The following FAM135B variants were observed in gnomAD, a reference collection of about 807,000 sequenced individuals.
FAM135B encodes family with sequence similarity 135 member B.
In FAM135B, 43 loss-of-function variants were observed where a neutral mutation model predicts 127.7. The ratio of observed to expected loss-of-function variants is 0.34; its 90% CI spans 0.26 to 0.43. FAM135B has a LOEUF of 0.43. Among genes scored for constraint, FAM135B ranks in the 20% least tolerant of loss-of-function variants. The probability of loss-of-function intolerance (pLI) is 1.00; values close to 1 mark genes in which losing one functional copy is unlikely to be tolerated. For synonymous variants in FAM135B, 670 were observed against 665.1 expected, an observed-to-expected ratio of 1.01 and a Z score of -0.11; for missense variants, 1,558 against 1,725.6, an observed-to-expected ratio of 0.90 and a Z score of 1.72.
Position 138,226,184 on chromosome 8 carries a change from T to TGTGTGTGTGCGCGC in FAM135B, c.669+16757_669+16758insGCGCGCACACACAC. ...GTGTGTGTGTGTGTGTGTGTGTGTG[T>TGTGTGTGTGCGCGC]GCGCGCATGTCATTTTTTTTTTCAT... On this transcript the variant is annotated intron_variant, in intron 7 of 19. Transcript: ENST00000395297. Among the ~76,000 whole-genome samples, 145 of 139,286 alleles carry TGTGTGTGTGCGCGC rather than the reference T, an allele frequency of 1.0e-3. 2 individuals are homozygous for TGTGTGTGTGCGCGC. Among genetic ancestry groups the TGTGTGTGTGCGCGC allele is most frequent in the African/African-American group, 3.6e-3 (136 of 37,294 alleles). 91.4% of individuals were successfully genotyped at this position (139,286 alleles called of 152,430 possible).
intron 2 of FAM135B, among the ~76,000 whole-genome samples, chr8:138,364,387 G>A (rs1830616075): frequency 6.6e-6 from 1 of 152,136 alleles, no homozygotes; most frequent in Non-Finnish European, 1.5e-5. Flanking sequence ...GTAGAGATGT[G>A]AGACATCATT....
intron 1 of FAM135B, among the ~76,000 whole-genome samples, chr8:138,423,132 G>A: frequency 6.6e-6 from 1 of 152,152 alleles, no homozygotes; most frequent in Non-Finnish European, 1.5e-5. Flanking sequence ...GAGAGTGGGA[G>A]GGGGGTGAGG....
At chr8:138,313,531 TTTGC>T (rs1311460328) in intron 2 of FAM135B, among the ~76,000 whole-genome samples, 1 of 150,628 alleles carries the variant, frequency 6.6e-6, no homozygotes, top group South Asian at 2.1e-4. Context: ...TGTTTGTTTG[TTTGC>T]TTGTTTGTTT....
At chr8:138,206,495 T>C (rs1272028939) in intron 7 of FAM135B, among the ~76,000 whole-genome samples, 5 of 150,620 alleles carry the variant, frequency 3.3e-5, no homozygotes. Context: ...AGCTCTATCA[T>C]CCCCTCGACC....
At chr8:138,458,064 A>G (rs1836905020) in intron 1 of FAM135B, among the ~76,000 whole-genome samples, 1 of 152,060 alleles carries the variant, frequency 6.6e-6, no homozygotes, top group Admixed American at 6.6e-5. Context: ...AGACACGAGA[A>G]TCACTTGAAC....
chr8:138,214,057 A>C (rs1818353057), intron 7 of FAM135B, among the ~76,000 whole-genome samples: 2 of 152,148 alleles, frequency 1.3e-5, no homozygotes, highest in African/African-American at 4.8e-5. Flanking sequence ...TGTCCCTGAC[A>C]CCAGTCTCCC....
chr8:138,480,723 C>T (rs1427762123), intron 1 of FAM135B, among the ~76,000 whole-genome samples: 1 of 152,182 alleles, frequency 6.6e-6, no homozygotes, highest in African/African-American at 2.4e-5. Context: ...AGAAGCAAGT[C>T]AACTTGTCCT....
chr8:138,317,238 C>A (rs1306397135), intron 2 of FAM135B, among the ~76,000 whole-genome samples: 1 of 152,126 alleles, frequency 6.6e-6, no homozygotes, highest in African/African-American at 2.4e-5. Context: ...CACAGTTGTG[C>A]TCAGCAAAAT....
chr8:138,373,498 T>C (rs966646480), intron 1 of FAM135B, among the ~76,000 whole-genome samples: 3 of 151,388 alleles, frequency 2.0e-5, no homozygotes, highest in African/African-American at 7.3e-5. Flanking sequence ...GCACAAATTG[T>C]AGAGCATATG....
At chr8:138,315,118 GTAA>G (rs149060946) in intron 2 of FAM135B, among the ~76,000 whole-genome samples, 6 of 151,628 alleles carry the variant, frequency 4.0e-5, no homozygotes, top group Non-Finnish European at 5.9e-5. Flanking sequence ...CTCAATAGCA[GTAA>G]TAATAATAAT....
intron 1 of FAM135B, among the ~76,000 whole-genome samples, chr8:138,480,705 T>C (rs1478461026): frequency 1.3e-5 from 2 of 152,202 alleles, no homozygotes; most frequent in Non-Finnish European, 2.9e-5. Flanking sequence ...GCATCTCTCG[T>C]CATTTTGAGA....
intron 1 of FAM135B, among the ~76,000 whole-genome samples, chr8:138,451,018 G>A (rs1337976332): frequency 6.6e-6 from 1 of 152,168 alleles, no homozygotes; most frequent in Non-Finnish European, 1.5e-5. Flanking sequence ...GAAGTGCTGT[G>A]ATCCAAATCC....
chr8:138,186,379 C>T (rs1013987261), intron 9 of FAM135B, among the ~76,000 whole-genome samples: 1 of 152,190 alleles, frequency 6.6e-6, no homozygotes, highest in African/African-American at 2.4e-5. Context: ...CACATCACTC[C>T]ATTACTGCAG....
chr8:138,206,343 ACAACTCCAGCATCCCCTCCACCTACC>A (rs1817594647), intron 7 of FAM135B, among the ~76,000 whole-genome samples: 5 of 142,252 alleles, frequency 3.5e-5, no homozygotes, highest in South Asian at 2.2e-4. Flanking sequence ...CCACCTACCC[ACAACTCCAGCATCCCCTCCACCTACC>A]CACAACTCTA....
At chr8:138,375,050 A>C (rs768348469) in intron 1 of FAM135B, among the ~76,000 whole-genome samples, 11 of 152,190 alleles carry the variant, frequency 7.2e-5, no homozygotes, top group Non-Finnish European at 1.0e-4. Context: ...CAGACCTCCT[A>C]ATCAGGCTCC....
intron 1 of FAM135B, among the ~76,000 whole-genome samples, chr8:138,422,276 C>T (rs374573213): frequency 6.6e-6 from 1 of 152,030 alleles, no homozygotes; most frequent in Admixed American, 6.5e-5. Context: ...CAAGTGGGAC[C>T]TCACTAAACT....
At chr8:138,212,664 A>G (rs1485614040) in intron 7 of FAM135B, among the ~76,000 whole-genome samples, 1 of 152,246 alleles carries the variant, frequency 6.6e-6, no homozygotes, top group African/African-American at 2.4e-5. Context: ...AAAATGCTGA[A>G]TCTATCTATT....
At chr8:138,323,129 T>C (rs1015830794) in intron 2 of FAM135B, among the ~76,000 whole-genome samples, 1 of 152,224 alleles carries the variant, frequency 6.6e-6, no homozygotes, top group African/African-American at 2.4e-5. Context: ...GATACTTTGA[T>C]ATAATCACAA....
At chr8:138,475,583 A>T (rs1564031132) in intron 1 of FAM135B, among the ~76,000 whole-genome samples, 1 of 152,162 alleles carries the variant, frequency 6.6e-6, no homozygotes, top group Non-Finnish European at 1.5e-5. Flanking sequence ...ATCTATCACC[A>T]CGATCTGTCA....
Sources: gnomAD v4.1 joint callset for allele counts (sites outside exome capture counted in the v4.1 genomes callset) on GRCh38, gnomAD v4.1.1 for gene constraint, MANE v1.5 for transcripts, NCBI Gene and HGNC (gene_info 2026-07-23, HGNC 2026-07-21) for gene names.